Variants in NAV2 observed in about 807,000 individuals in gnomAD.
The protein encoded by NAV2 is helicase, APC down-regulated 1.
In NAV2, 54 loss-of-function variants were observed where a neutral mutation model predicts 223.2. The observed-to-expected ratio is 0.24, with a 90% CI of 0.19 to 0.30. NAV2 has a LOEUF of 0.30. Among genes scored for constraint, NAV2 ranks in the 10% least tolerant of loss-of-function variants. The probability of loss-of-function intolerance (pLI) is 1.00; values close to 1 mark genes in which losing one functional copy is unlikely to be tolerated. For missense variants in NAV2, 2,806 were observed against 3,147.5 expected, an observed-to-expected ratio of 0.89 and a Z score of 2.60; for synonymous variants, 1,279 against 1,239.3, an observed-to-expected ratio of 1.03 and a Z score of -0.67.
At chr11:19,599,201 TCA>T (rs1362320781) in intron 1 of NAV2, among the ~76,000 whole-genome samples, 3 of 152,246 alleles carry the variant, frequency 2.0e-5, no homozygotes, top group African/African-American at 7.2e-5. Context: ...AGGGAAGATG[TCA>T]CACTGCTGAG....
chr11:19,447,052 C>G (rs553088528), intron 1 of NAV2, among the ~76,000 whole-genome samples: 3 of 152,136 alleles, frequency 2.0e-5, no homozygotes, highest in Non-Finnish European at 4.4e-5. Context: ...TTCTATGTAT[C>G]CCCTCCCCGG....
chr11:19,600,764 G>T (rs904502989), intron 1 of NAV2, among the ~76,000 whole-genome samples: 2 of 152,258 alleles, frequency 1.3e-5, no homozygotes, highest in East Asian at 3.9e-4. Context: ...ATAATAGTAG[G>T]CATATACTAG....
At chr11:19,756,146 C>T (rs2054214058) in intron 1 of NAV2, among the ~76,000 whole-genome samples, 1 of 152,160 alleles carries the variant, frequency 6.6e-6, no homozygotes, top group African/African-American at 2.4e-5. Context: ...AGATGTTCCT[C>T]ATGGGCAAGG....
chr11:19,396,508 G>A (rs1428809279), intron 1 of NAV2, among the ~76,000 whole-genome samples: 1 of 152,142 alleles, frequency 6.6e-6, no homozygotes, highest in Non-Finnish European at 1.5e-5. Context: ...GCTCTTGTCT[G>A]GGGCTCCCCT....
At chr11:19,970,718 A>G (rs1006241216) in intron 10 of NAV2, among the ~76,000 whole-genome samples, 3 of 152,244 alleles carry the variant, frequency 2.0e-5, no homozygotes, top group African/African-American at 7.2e-5. Context: ...TTATCATAAA[A>G]GACAGAAAAA....
chr11:19,625,560 G>A (rs2047144243), intron 1 of NAV2, among the ~76,000 whole-genome samples: 1 of 152,128 alleles, frequency 6.6e-6, no homozygotes, highest in Admixed American at 6.5e-5. Flanking sequence ...TTCTCTTGGT[G>A]AAATGCCCAG....
At chr11:20,019,994 T>TAAAAAAA (rs763255071) in intron 11 of NAV2, among the ~76,000 whole-genome samples, 44 of 134,058 alleles carry the variant, frequency 3.3e-4, no homozygotes, top group Middle Eastern at 7.7e-3. Context: ...GGGCATGAGG[T>TAAAAAAA]AAAAAAAAAA....
intron 2 of NAV2, among the ~76,000 whole-genome samples, chr11:19,842,512 A>C (rs2060563524): frequency 6.6e-6 from 1 of 152,214 alleles, no homozygotes; most frequent in Non-Finnish European, 1.5e-5. Flanking sequence ...ACTCTGAACT[A>C]TTCCGTCTTT....
chr11:19,356,404 T>TGCCA (rs1853619590), intron 1 of NAV2, among the ~76,000 whole-genome samples: 1 of 152,328 alleles, frequency 6.6e-6, no homozygotes, highest in Non-Finnish European at 1.5e-5. Flanking sequence ...ACCTACTGTG[T>TGCCA]GCCAGCCAGC....
intron 10 of NAV2, among the ~76,000 whole-genome samples, chr11:19,963,378 C>T (rs1260318676): frequency 2.6e-5 from 4 of 152,180 alleles, no homozygotes; most frequent in African/African-American, 9.7e-5. Context: ...AGCCCGGGAT[C>T]CCAAGCACCC....
chr11:20,099,438 G>A (rs1362487971), intron 31 of NAV2, among the ~76,000 whole-genome samples: 1 of 152,166 alleles, frequency 6.6e-6, no homozygotes, highest in Non-Finnish European at 1.5e-5. Flanking sequence ...CTGAGACCAG[G>A]CCAAGCCTCT....
chr11:19,710,153 A>G (rs1413634473), upstream of NAV2, among the ~76,000 whole-genome samples: 5 of 152,224 alleles, frequency 3.3e-5, no homozygotes, highest in Non-Finnish European at 1.5e-5. Context: ...CACTATTTCC[A>G]TTTATATACC....
chr11:19,393,902 T>TTTTTC (rs1554918295), intron 1 of NAV2, among the ~76,000 whole-genome samples: 5 of 20,782 alleles, frequency 2.4e-4, no homozygotes, highest in East Asian at 2.0e-3. Flanking sequence ...AGGGTTTTTT[T>TTTTTC]TTTCTTTTTT....
In NAV2 at chr11:19,441,993, C is replaced by T. The variant is rs553961167; in HGVS notation, c.75+90966C>T. Reference sequence around the variant, plus strand: ...GATAGCAACGTGTGGTTTAATTGTGCCTGCTCTGTTCCCCCATCATCTCAA... The same window carrying T: ...GATAGCAACGTGTGGTTTAATTGTGTCTGCTCTGTTCCCCCATCATCTCAA... On this transcript the variant is annotated intron_variant, in intron 1 of 37. Coordinates refer to the NAV2 transcript ENST00000360655. Among the ~76,000 whole-genome samples, 26 of 152,364 alleles carry T rather than the reference C, an allele frequency of 1.7e-4. 1 individual carries two copies. The highest frequency in any genetic ancestry group is 6.0e-4 in the African/African-American group (25 of 41,584).
chr11:19,792,635 A>T (rs1339095986), intron 1 of NAV2, among the ~76,000 whole-genome samples: 1 of 152,220 alleles, frequency 6.6e-6, no homozygotes, highest in Non-Finnish European at 1.5e-5. Flanking sequence ...CTCTGCCTGG[A>T]TGCAGGCTCT....
intron 6 of NAV2, among the ~76,000 whole-genome samples, chr11:19,919,237 T>C (rs2044065007): frequency 6.6e-6 from 1 of 151,138 alleles, no homozygotes. Context: ...ATGTTTAAGT[T>C]GGAATTAAAA....
intron 8 of NAV2, among the ~76,000 whole-genome samples, chr11:19,943,548 C>T (rs140617950): frequency 1.9e-3 from 296 of 152,240 alleles, no homozygotes; most frequent in Non-Finnish European, 3.4e-3. Context: ...ATGCCAAGAA[C>T]GACCTAAGAA....
At chr11:19,637,614 G>A (rs924558982) in intron 1 of NAV2, among the ~76,000 whole-genome samples, 6 of 152,252 alleles carry the variant, frequency 3.9e-5, no homozygotes, top group African/African-American at 1.4e-4. Context: ...GCCTCAGGAA[G>A]CTTTTACTCA....
intron 1 of NAV2, among the ~76,000 whole-genome samples, chr11:19,794,662 A>G (rs1175014830): frequency 6.6e-6 from 1 of 152,028 alleles, no homozygotes; most frequent in African/African-American, 2.4e-5. Context: ...CTTTGTTCCT[A>G]ATCTTTCCTG....
Sources: allele counts gnomAD v4.1 joint callset (sites outside exome capture counted in the v4.1 genomes callset), GRCh38; gene constraint gnomAD v4.1.1; transcripts MANE v1.5; gene names NCBI Gene and HGNC (gene_info 2026-07-23, HGNC 2026-07-21).